Variants in HKDC1 observed in about 807,000 individuals in gnomAD.
The protein encoded by HKDC1 is hexokinase HKDC1.
Under a neutral mutation model 96.6 loss-of-function variants are expected in HKDC1, and 66 were observed. That is an observed-to-expected ratio of 0.68 (90% CI 0.56 to 0.84). The LOEUF (loss-of-function observed/expected upper bound fraction) is 0.84, where lower values mean the gene tolerates loss of function less well. Among genes scored for constraint, HKDC1 ranks in the 40% least tolerant of loss-of-function variants. HKDC1 has a pLI of 0.00. For missense variants in HKDC1, 1,211 were observed against 1,208.1 expected, an observed-to-expected ratio of 1.00 and a Z score of -0.04; for synonymous variants, 466 against 473.1, an observed-to-expected ratio of 0.98 and a Z score of 0.20.
rs143859089 is a variant in HKDC1, at chr10:69,258,265, G to A, written c.2033-511G>A. 1.2e-4 allele frequency among the ~76,000 whole-genome samples: 18 copies of A among 152,294 alleles called. 1 individual carries two copies. Among genetic ancestry groups the A allele is most frequent in the African/African-American group, 4.3e-4 (18 of 41,554 alleles). On this transcript the variant is annotated intron_variant, in intron 14 of 17. Coordinates refer to ENST00000354624, the MANE Select transcript of HKDC1 (RefSeq NM_025130.4). The stretch of plus-strand genomic sequence containing the variant: ...CTAGGAGAGCAAAGAGGTGAGGCCT[G>A]TTGATTGACTAAAATACTTGCCTGG...
chr10:69,232,875 C>A lies in HKDC1; in HGVS notation c.338C>A (p.Pro113Gln), dbSNP rs1426650772. The change falls in exon 3 of 18, where the codon CCA becomes CAA. Residue 113 changes from proline (P) to glutamine (Q), a missense_variant. Pro to Gln is a moderately conservative substitution (Grantham distance 76). Transcript: ENST00000354624. Reference sequence around the variant, plus strand: ...GTGCAGATGGAGAGTCAGTTCTACCCAACGCCCAATGAAATCATCCGCGGG... The same window carrying A: ...GTGCAGATGGAGAGTCAGTTCTACCAAACGCCCAATGAAATCATCCGCGGG... ...RHVQMESQFY[P>Q]TPNEIIRGNG... 2 of 1,613,868 alleles carry A rather than the reference C, an allele frequency of 1.2e-6. No individual in the cohort carries two copies. The highest frequency in any genetic ancestry group is 1.7e-6 in the Non-Finnish European group (2 of 1,180,038).
intron 4 of HKDC1, among the ~76,000 whole-genome samples, chr10:69,237,277 T>TTGTCTGTGTGTGTGTGTGTG (rs377104081): frequency 6.9e-6 from 1 of 145,598 alleles, no homozygotes; most frequent in Non-Finnish European, 1.5e-5. Flanking sequence ...AGAAATTTCT[T>TTGTCTGTGTGTGTGTGTGTG]TGTGTGTGTG....
chr10:69,224,768 T>C (rs1843122075), intron 1 of HKDC1, among the ~76,000 whole-genome samples: 1 of 152,208 alleles, frequency 6.6e-6, no homozygotes, highest in African/African-American at 2.4e-5. Context: ...GAGTCTTGAA[T>C]GTTGGATTTG....
At position 69,250,591 on chromosome 10, in the gene HKDC1, G is replaced by A. The variant is rs1281077679; in HGVS notation, c.1775G>A (p.Gly592Glu). 6.2e-7 allele frequency: 1 copy of A among 1,614,072 alleles called. No individual in the cohort carries two copies. Among genetic ancestry groups the A allele is most frequent in the South Asian group, 1.1e-5 (1 of 91,078 alleles). Residue 592 changes from glycine (G) to glutamate (E), a missense_variant, in exon 12 of 18, where the codon GGA becomes GAA. Physicochemically the swap from Gly to Glu is moderately conservative, Grantham distance 98. Coordinates refer to ENST00000354624, the MANE Select transcript of HKDC1 (RefSeq NM_025130.4). ...ADFLDYMGLK[G>E]ASLPLGFTFS... ...TTCCTGGACTACATGGGCCTCAAGG[G>A]AGCCTCCCTACCTTTGGGCTTCACA...
chr10:69,226,495 AT>A (rs201653734), intron 1 of HKDC1, among the ~76,000 whole-genome samples: 245 of 150,100 alleles, frequency 1.6e-3, no homozygotes, highest in Non-Finnish European at 2.0e-3. Context: ...AAAAATAAAA[AT>A]AAAAAAAAAT....
At chr10:69,234,284 G>T in intron 4 of HKDC1, among the ~76,000 whole-genome samples, 1 of 152,212 alleles carries the variant, frequency 6.6e-6, no homozygotes, top group East Asian at 1.9e-4. Flanking sequence ...TATTGGTGTG[G>T]AATAGTGAAA....
intron 13 of HKDC1, 77 bp from the exon 14 acceptor site, chr10:69,257,250 C>G: frequency 6.9e-7 from 1 of 1,450,076 alleles, no homozygotes; most frequent in Non-Finnish European, 9.7e-7. Context: ...GATAACATGC[C>G]CCTCCTAAAC....
chr10:69,223,564 A>G (rs983106797), intron 1 of HKDC1, among the ~76,000 whole-genome samples: 6 of 147,088 alleles, frequency 4.1e-5, no homozygotes, highest in African/African-American at 1.5e-4. Flanking sequence ...TTGTGTAACC[A>G]TTACCACAAT....
At chr10:69,233,269 G>C (rs1430057609) in intron 4 of HKDC1, 136 bp downstream of exon 4, 2 of 1,262,972 alleles carry the variant, frequency 1.6e-6, no homozygotes, top group Non-Finnish European at 2.2e-6. Context: ...TGTTCATGAT[G>C]AGGTGGCAGC....
intron 16 of HKDC1, among the ~76,000 whole-genome samples, chr10:69,263,991 C>G (rs1478376669): frequency 6.6e-6 from 1 of 152,162 alleles, no homozygotes; most frequent in Non-Finnish European, 1.5e-5. Context: ...GAAACTCTGT[C>G]TCTACTAAAA....
At chr10:69,258,504 C>T (rs148699062) in intron 14 of HKDC1, among the ~76,000 whole-genome samples, 146 of 152,160 alleles carry the variant, frequency 9.6e-4, no homozygotes, top group African/African-American at 3.3e-3. Flanking sequence ...CAGCAGGTAC[C>T]GTTTATTGAA....
At chr10:69,234,382 T>G (rs779411734) in intron 4 of HKDC1, among the ~76,000 whole-genome samples, 25 of 152,270 alleles carry the variant, frequency 1.6e-4, no homozygotes, top group Non-Finnish European at 3.2e-4. Flanking sequence ...CTTAATTTCA[T>G]GAGCCTCTTG....
Position 69,247,470 on chromosome 10 carries a change from G to T in HKDC1, c.1142G>T (p.Arg381Leu). ...VQHVCTIVSF[R>L]SANLCAAALA... ...CATGTCTGTACCATCGTCTCCTTCC[G>T]CTCGGCCAATCTCTGTGCAGCAGCT... Residue 381 changes from arginine to leucine, a missense_variant, in exon 9 of 18, where the codon CGC (arginine) becomes CTC (leucine). Transcript: ENST00000354624. 3 of 1,614,068 alleles carry T rather than the reference G, an allele frequency of 1.9e-6. No individual in the cohort carries two copies. The highest frequency in any genetic ancestry group is 2.5e-6 in the Non-Finnish European group (3 of 1,180,020).
chr10:69,227,417 T>C (rs184519391), intron 2 of HKDC1, 48 bp downstream of exon 2: 22 of 1,608,528 alleles, frequency 1.4e-5, no homozygotes, highest in Non-Finnish European at 8.5e-7. Flanking sequence ...TCTTGGCTGA[T>C]GGGTGTCTAA....
chr10:69,248,563 C>G lies in HKDC1; in HGVS notation c.1405C>G (p.Gln469Glu), dbSNP rs763854751. 6.2e-6 allele frequency: 10 copies of G among 1,614,022 alleles called. No individual in the cohort carries two copies. The highest frequency in any genetic ancestry group is 1.7e-5 in the Admixed American group (1 of 59,998). ...CTCCCGCGTGCAGGCCCAGCGGAAG[C>G]AGATCGACAGGGTGCTGGCTTTGTT... ...VASRVQAQRK[Q>E]IDRVLALFQL... Residue 469 changes from glutamine to glutamate, a missense_variant, in exon 10 of 18, where the codon CAG becomes GAG. By Grantham distance (29) the Gln-to-Glu change is conservative. Coordinates refer to ENST00000354624, the MANE Select transcript of HKDC1 (RefSeq NM_025130.4).
chr10:69,229,776 C>T (rs1357362204), intron 2 of HKDC1, among the ~76,000 whole-genome samples: 2 of 152,174 alleles, frequency 1.3e-5, no homozygotes, highest in Non-Finnish European at 2.9e-5. Context: ...TCTCACCACA[C>T]AAAGCATCTC....
At chr10:69,261,525 G>A in intron 16 of HKDC1, 1 of 448,542 alleles carries the variant, frequency 2.2e-6, no homozygotes, top group Non-Finnish European at 4.0e-6. Flanking sequence ...CCATCCTCAG[G>A]CTGGGCTAAT....
chr10:69,261,044 T>C (rs982720967), intron 15 of HKDC1, 95 bp from the exon 16 acceptor site: 54 of 1,137,534 alleles, frequency 4.7e-5, no homozygotes, highest in Non-Finnish European at 7.0e-5. Flanking sequence ...GATCTGGATC[T>C]TGCTCCATGC....
At chr10:69,233,408 T>A (rs1183562680) in intron 4 of HKDC1, among the ~76,000 whole-genome samples, 2 of 152,184 alleles carry the variant, frequency 1.3e-5, no homozygotes, top group Non-Finnish European at 2.9e-5. Flanking sequence ...GGGCTTGTTT[T>A]AAGCACAGAT....
Sources: gnomAD v4.1 joint callset for allele counts (sites outside exome capture counted in the v4.1 genomes callset) on GRCh38, gnomAD v4.1.1 for gene constraint, MANE v1.5 for transcripts, NCBI Gene and HGNC (gene_info 2026-07-23, HGNC 2026-07-21) for gene names.